AUTS2: variants seen among roughly 807,000 people sequenced by gnomAD.
The protein encoded by AUTS2 is autism susceptibility gene 2 protein.
A neutral mutation model predicts 112.4 loss-of-function variants in AUTS2; 17 were observed. The ratio of observed to expected loss-of-function variants is 0.15; its 90% CI spans 0.10 to 0.23. The LOEUF (loss-of-function observed/expected upper bound fraction) is 0.23, where lower values mean the gene tolerates loss of function less well. Ranked by LOEUF, AUTS2 falls within the 10% of genes least tolerant of loss-of-function variation. AUTS2 has a pLI of 1.00. For synonymous variants in AUTS2, 751 were observed against 702.7 expected (o/e 1.07, Z -1.09); for missense variants, 1,510 against 1,701.6 (o/e 0.89, Z 1.98).
intron 2 of AUTS2, among the ~76,000 whole-genome samples, chr7:69,948,875 G>C (rs1796919821): frequency 6.6e-6 from 1 of 151,564 alleles, no homozygotes; most frequent in Admixed American, 6.6e-5. Flanking sequence ...GCATGATCTT[G>C]GCTCACTGCA....
intron 4 of AUTS2, among the ~76,000 whole-genome samples, chr7:70,262,155 T>C (rs1787199853): frequency 6.6e-6 from 1 of 152,242 alleles, no homozygotes; most frequent in Non-Finnish European, 1.5e-5. Context: ...AATTACATTT[T>C]AATTTTAATT....
intron 2 of AUTS2, among the ~76,000 whole-genome samples, chr7:70,044,774 G>T (rs1459719521): frequency 6.6e-6 from 1 of 152,078 alleles, no homozygotes; most frequent in East Asian, 1.9e-4. Flanking sequence ...GGAAATTTTG[G>T]GTGATTTAGA....
chr7:69,748,765 G>T (rs1416883396), intron 1 of AUTS2, among the ~76,000 whole-genome samples: 3 of 152,136 alleles, frequency 2.0e-5, no homozygotes, highest in Non-Finnish European at 2.9e-5. Context: ...AGGAAAGTGG[G>T]TCATCAACAA....
At chr7:70,376,454 G>A (rs911050976) in intron 4 of AUTS2, among the ~76,000 whole-genome samples, 1 of 152,000 alleles carries the variant, frequency 6.6e-6, no homozygotes, top group Non-Finnish European at 1.5e-5. Context: ...CTGTGGGTGA[G>A]ATGTGGCCGG....
intron 2 of AUTS2, among the ~76,000 whole-genome samples, chr7:69,925,125 A>G (rs1221122109): frequency 2.6e-5 from 4 of 152,106 alleles, no homozygotes; most frequent in Non-Finnish European, 4.4e-5. Flanking sequence ...TGGCAATTCT[A>G]TATCTGTTGA....
intron 6 of AUTS2, among the ~76,000 whole-genome samples, chr7:70,754,848 C>G (rs918542881): frequency 2.6e-5 from 4 of 152,200 alleles, no homozygotes; most frequent in Non-Finnish European, 5.9e-5. Flanking sequence ...TAGTGCCCCC[C>G]ACATAGTTTT....
rs1804308297 is a variant in AUTS2, at chr7:70,615,480, T to C, written c.691-83089T>C. On this transcript the variant is annotated intron_variant, in intron 5 of 18. Transcript: ENST00000342771. ...GGGAAGCAATGTCTTTAGTCACTGC[T>C]CTGCTCACAAGGTGCAGGAAAAGTC... is the stretch of plus-strand genomic sequence containing the variant. 3.3e-5 allele frequency among the ~76,000 whole-genome samples: 5 copies of C among 152,124 alleles called. No homozygotes were observed. The South Asian group carries it at 1.0e-3, about 32-fold the overall frequency.
intron 2 of AUTS2, among the ~76,000 whole-genome samples, chr7:70,031,983 A>G (rs1412425631): frequency 2.6e-5 from 4 of 152,164 alleles, no homozygotes; most frequent in African/African-American, 9.6e-5. Flanking sequence ...TCTTGAGATC[A>G]TCTTATGAAG....
At chr7:70,711,553 A>G (rs1428490084) in intron 6 of AUTS2, among the ~76,000 whole-genome samples, 2 of 152,222 alleles carry the variant, frequency 1.3e-5, no homozygotes. Flanking sequence ...AGCTGCCATC[A>G]GTGTCGGAGC....
chr7:69,801,686 C>G (rs1319241941), intron 1 of AUTS2, among the ~76,000 whole-genome samples: 1 of 152,104 alleles, frequency 6.6e-6, no homozygotes. Flanking sequence ...TTCATTCATT[C>G]AACAGTTTTG....
chr7:70,413,771 G>A (rs1230733337), intron 4 of AUTS2, among the ~76,000 whole-genome samples: 3 of 152,104 alleles, frequency 2.0e-5, no homozygotes, highest in East Asian at 1.9e-4. Context: ...TCTACCTCCT[G>A]AGCTCAAGCA....
chr7:69,757,500 T>G (rs893069242), intron 1 of AUTS2, among the ~76,000 whole-genome samples: 1 of 152,216 alleles, frequency 6.6e-6, no homozygotes, highest in Non-Finnish European at 1.5e-5. Flanking sequence ...TCTCCTTTCT[T>G]GAAATTAGAT....
chr7:70,528,794 C>A (rs1799960532), intron 5 of AUTS2, among the ~76,000 whole-genome samples: 1 of 146,822 alleles, frequency 6.8e-6, no homozygotes, highest in Admixed American at 6.8e-5. Flanking sequence ...GGCATCATAG[C>A]AAGATCTCAT....
At chr7:69,989,922 T>A (rs1798673416) in intron 2 of AUTS2, among the ~76,000 whole-genome samples, 1 of 152,104 alleles carries the variant, frequency 6.6e-6, no homozygotes, top group Non-Finnish European at 1.5e-5. Flanking sequence ...GTTGCCTGCT[T>A]CCATGAGAAT....
intron 4 of AUTS2, among the ~76,000 whole-genome samples, chr7:70,274,038 A>C (rs938219711): frequency 6.6e-6 from 1 of 152,126 alleles, no homozygotes; most frequent in Non-Finnish European, 1.5e-5. Flanking sequence ...TTTCTCCATG[A>C]ACCTGAATTG....
chr7:70,538,367 A>C (rs1239470664), intron 5 of AUTS2, among the ~76,000 whole-genome samples: 1 of 152,096 alleles, frequency 6.6e-6, no homozygotes, highest in East Asian at 1.9e-4. Flanking sequence ...GTCTCTACTA[A>C]AAATACAAAA....
intron 2 of AUTS2, among the ~76,000 whole-genome samples, chr7:69,979,306 T>C (rs540785162): frequency 1.3e-5 from 2 of 152,348 alleles, no homozygotes; most frequent in South Asian, 2.1e-4. Context: ...GAGGAAAACT[T>C]GCTGTTTGAG....
At chr7:70,168,177 T>C (rs1406542024) in intron 4 of AUTS2, among the ~76,000 whole-genome samples, 2 of 152,242 alleles carry the variant, frequency 1.3e-5, no homozygotes, top group Non-Finnish European at 2.9e-5. Context: ...GTGGTACTCC[T>C]GAGTATTTTG....
intron 5 of AUTS2, among the ~76,000 whole-genome samples, chr7:70,548,494 C>A (rs1800882533): frequency 6.6e-6 from 1 of 151,988 alleles, no homozygotes; most frequent in Non-Finnish European, 1.5e-5. Flanking sequence ...CTTTGCCTAA[C>A]CTAAGGTCAC....
Sources: gnomAD v4.1 joint callset for allele counts (sites outside exome capture counted in the v4.1 genomes callset) on GRCh38, gnomAD v4.1.1 for gene constraint, MANE v1.5 for transcripts, NCBI Gene and HGNC (gene_info 2026-07-23, HGNC 2026-07-21) for gene names.